Variants in BORCS5 observed in about 807,000 individuals in gnomAD.
The protein encoded by BORCS5 is BLOC-1-related complex subunit 5.
BORCS5 carries 17 observed loss-of-function variants against 22.1 expected under a neutral mutation model. That is an observed-to-expected ratio of 0.77 (90% confidence interval 0.53 to 1.15). BORCS5 has a LOEUF of 1.15. BORCS5 is among the 50% of genes most tolerant of loss of function. BORCS5 has a pLI of 0.00. For synonymous variants in BORCS5, 117 were observed against 99.8 expected, an observed-to-expected ratio of 1.17 and a Z score of -1.03; for missense variants, 247 against 253.2, an observed-to-expected ratio of 0.98 and a Z score of 0.17.
chr12:12,427,662 C>G (rs1226821015), intron 2 of BORCS5, among the ~76,000 whole-genome samples: 1 of 152,140 alleles, frequency 6.6e-6, no homozygotes, highest in East Asian at 1.9e-4. Context: ...ATACCATAAA[C>G]CGGGTGGCTT....
Position 12,384,963 on chromosome 12 carries a change from A to G in BORCS5, c.202+23614A>G, listed in dbSNP as rs1199072716. On this transcript the variant is annotated intron_variant, in intron 2 of 3. Coordinates refer to ENST00000314565, the MANE Select transcript of BORCS5 (RefSeq NM_058169.6). The stretch of plus-strand genomic sequence containing the variant: ...ACATCTGCTTTCCTAGGGGTTGTCC[A>G]TATGTCTGCATGGGTTAATAGTCAG... Among the ~76,000 whole-genome samples, 4 of 151,374 alleles carry G rather than the reference A, an allele frequency of 2.6e-5. 1 individual carries two copies. The Middle Eastern group carries it at 0.01, about 391-fold the overall frequency.
At chr12:12,415,226 G>T (rs938298040) in intron 2 of BORCS5, among the ~76,000 whole-genome samples, 1 of 151,178 alleles carries the variant, frequency 6.6e-6, no homozygotes, top group African/African-American at 2.4e-5. Context: ...GTAGCGAGCC[G>T]AGATCACGCC....
chr12:12,427,605 T>A (rs574821990), intron 2 of BORCS5, among the ~76,000 whole-genome samples: 14 of 152,228 alleles, frequency 9.2e-5, no homozygotes, highest in African/African-American at 3.1e-4. Flanking sequence ...CGAAAATTTC[T>A]TATTGTTTTT....
At chr12:12,416,931 G>A (rs1331593779) in intron 2 of BORCS5, among the ~76,000 whole-genome samples, 5 of 151,154 alleles carry the variant, frequency 3.3e-5, no homozygotes, top group Admixed American at 1.3e-4. Flanking sequence ...ACAGGCAGGC[G>A]CCACCATGCC....
chr12:12,362,583 T>C (rs1268598647), intron 2 of BORCS5, among the ~76,000 whole-genome samples: 3 of 151,242 alleles, frequency 2.0e-5, no homozygotes, highest in South Asian at 4.2e-4. Context: ...AGTTAGACTT[T>C]GGTAAACATT....
At chr12:12,406,192 A>C (rs1941590899) in intron 2 of BORCS5, among the ~76,000 whole-genome samples, 1 of 152,204 alleles carries the variant, frequency 6.6e-6, no homozygotes, top group Admixed American at 6.5e-5. Context: ...TTTATTGCCA[A>C]CTCATTGTGT....
chr12:12,403,269 C>T (rs1017478664), intron 2 of BORCS5, among the ~76,000 whole-genome samples: 13 of 152,304 alleles, frequency 8.5e-5, no homozygotes, highest in Middle Eastern at 3.4e-3. Context: ...AACTAGTTTG[C>T]ACATCTGTCT....
Position 12,435,769 on chromosome 12 carries a change from T to C in BORCS5, c.344T>C (p.Val115Ala). ...EAVAFDQNAL[V>A]KRIKEMDLSV... ...GTTGCTTTTGACCAGAATGCTTTGG[T>C]TAAACGAATCAAAGAGGTAATGTGC... The change falls in exon 3 of 4, where the codon GTT (valine) becomes GCT (alanine). Residue 115 changes from valine to alanine, a missense_variant. Transcript: ENST00000314565. 6.2e-7 allele frequency: 1 copy of C among 1,612,684 alleles called. No homozygotes were observed. The highest frequency in any genetic ancestry group is 8.5e-7 in the Non-Finnish European group (1 of 1,179,518).
chr12:12,423,784 G>T (rs1310665806), intron 2 of BORCS5, among the ~76,000 whole-genome samples: 1 of 151,988 alleles, frequency 6.6e-6, no homozygotes, highest in Non-Finnish European at 1.5e-5. Flanking sequence ...TGCATCCCAG[G>T]CTCAGATGAT....
intron 3 of BORCS5, among the ~76,000 whole-genome samples, chr12:12,443,021 G>A (rs1368769801): frequency 1.3e-5 from 2 of 152,192 alleles, no homozygotes; most frequent in African/African-American, 4.8e-5. Flanking sequence ...GTTGCACAGA[G>A]CATCACTGTC....
Position 12,435,917 on chromosome 12 carries a change from A to G in BORCS5, c.360+132A>G, listed in dbSNP as rs376052380. ...TGCTTTTTCCCAGCAGTAAAATGTG[A>G]TGATGAAAAAAGTGGTCCACAGAGC... On this transcript the variant is annotated intron_variant, in intron 3 of 3. Coordinates refer to ENST00000314565, the MANE Select transcript of BORCS5 (RefSeq NM_058169.6). 93 of 903,734 alleles carry G rather than the reference A, an allele frequency of 1.0e-4. 1 individual carries two copies. The South Asian group carries it at 1.3e-3, about 12-fold the overall frequency. The allele number at this position is 903,734 out of a possible 1,614,324, so 56.0% of individuals were successfully genotyped here. A position where few individuals can be genotyped will look rare whatever the true frequency, so the allele number is the denominator to read the frequency against.
At chr12:12,411,171 CAG>C (rs1029552035) in intron 2 of BORCS5, among the ~76,000 whole-genome samples, 2 of 152,308 alleles carry the variant, frequency 1.3e-5, no homozygotes, top group Admixed American at 6.5e-5. Flanking sequence ...CATCTGCAAA[CAG>C]GGACAATTTG....
chr12:12,411,226 T>G (rs998847067), intron 2 of BORCS5, among the ~76,000 whole-genome samples: 4 of 152,222 alleles, frequency 2.6e-5, no homozygotes, highest in African/African-American at 9.6e-5. Flanking sequence ...TTCCTTCTCC[T>G]GCCTGATTGC....
chr12:12,443,880 C>T (rs1942733223), intron 3 of BORCS5, among the ~76,000 whole-genome samples: 1 of 152,184 alleles, frequency 6.6e-6, no homozygotes, highest in Non-Finnish European at 1.5e-5. Flanking sequence ...TTCCAGTCCA[C>T]CAGAGCGGGC....
chr12:12,449,867 CGT>C (rs1454458014), intron 3 of BORCS5, among the ~76,000 whole-genome samples: 1 of 152,200 alleles, frequency 6.6e-6, no homozygotes, highest in Admixed American at 6.5e-5. Context: ...AGGAAGCAGA[CGT>C]GTGCAGTTTT....
chr12:12,368,469 G>A (rs1164675477), intron 2 of BORCS5, among the ~76,000 whole-genome samples: 3 of 151,524 alleles, frequency 2.0e-5, no homozygotes, highest in African/African-American at 7.3e-5. Context: ...TTTTGAGATG[G>A]GGTCTTGATC....
At chr12:12,376,250 T>C (rs1380647193) in intron 2 of BORCS5, among the ~76,000 whole-genome samples, 1 of 151,538 alleles carries the variant, frequency 6.6e-6, no homozygotes, top group Non-Finnish European at 1.5e-5. Flanking sequence ...TTTTTTTTTT[T>C]TGAGACAGAG....
rs1341373923 is a variant in BORCS5, at chr12:12,468,922, G to A, written c.*3146G>A. The A allele has an allele frequency of 6.6e-6, 1 of 152,128 alleles. No individual in the cohort carries two copies. Among genetic ancestry groups the A allele is most frequent in the Non-Finnish European group, 1.5e-5 (1 of 68,028 alleles). The allele number at this position is 152,128 out of a possible 1,614,324, so 9.4% of individuals were successfully genotyped here. On this transcript the variant is annotated 3_prime_UTR_variant, in exon 4 of 4. Coordinates refer to ENST00000314565, the MANE Select transcript of BORCS5 (RefSeq NM_058169.6). ...ATAGACCACACATATATAGTTTCCT[G>A]TGTCTTAGATGATAACATCCTTAAA...
chr12:12,406,614 G>GA (rs1273443025), intron 2 of BORCS5, among the ~76,000 whole-genome samples: 1 of 145,274 alleles, frequency 6.9e-6, no homozygotes, highest in Non-Finnish European at 1.5e-5. Flanking sequence ...TTATCTTGCT[G>GA]AAAATCTCAA....
Sources: gnomAD v4.1 joint callset for allele counts (sites outside exome capture counted in the v4.1 genomes callset) on GRCh38, gnomAD v4.1.1 for gene constraint, MANE v1.5 for transcripts, NCBI Gene and HGNC (gene_info 2026-07-23, HGNC 2026-07-21) for gene names.